Variants in ACSF3 observed in about 807,000 individuals in gnomAD.
ACSF3 encodes the protein malonate--CoA ligase ACSF3, mitochondrial.
Under a neutral mutation model 53.2 loss-of-function variants are expected in ACSF3, and 78 were observed. That is an observed-to-expected ratio of 1.47 (90% confidence interval 1.22 to 1.77). The LOEUF is 1.77. Ranked by LOEUF, ACSF3 falls within the 40% of genes most tolerant of loss-of-function variation. The pLI, the probability that ACSF3 is intolerant of heterozygous loss-of-function variation, is 0.00. For synonymous variants in ACSF3, 414 were observed against 333.1 expected, an observed-to-expected ratio of 1.24 and a Z score of -2.65; for missense variants, 937 against 771.1, an observed-to-expected ratio of 1.22 and a Z score of -2.55.
chr16:89,112,410 GTC>G (rs141059120), intron 5 of ACSF3, among the ~76,000 whole-genome samples, 164 bp downstream of exon 5: 38 of 149,526 alleles, frequency 2.5e-4, no homozygotes, highest in East Asian at 5.8e-4. Context: ...CTCTCTAACT[GTC>G]TCTCTCTCTC....
intron 4 of ACSF3, among the ~76,000 whole-genome samples, chr16:89,108,995 G>A (rs1461134777): frequency 6.6e-6 from 1 of 152,128 alleles, no homozygotes; most frequent in African/African-American, 2.4e-5. Flanking sequence ...CACTTTGGGA[G>A]GCCGAGGCAG....
intron 1 of ACSF3, among the ~76,000 whole-genome samples, chr16:89,096,879 C>T (rs879863627): frequency 6.6e-6 from 1 of 152,244 alleles, no homozygotes; most frequent in Non-Finnish European, 1.5e-5. Context: ...CACACGGGGC[C>T]AGTCACATCT....
intron 4 of ACSF3, 122 bp downstream of exon 4, chr16:89,102,881 C>T (rs888742688): frequency 9.3e-6 from 13 of 1,391,418 alleles, no homozygotes; most frequent in East Asian, 7.3e-5. Flanking sequence ...TCAGGGCTCT[C>T]GGCCGCGCCC....
chr16:89,155,916 A>C lies in ACSF3; in HGVS notation c.*1709A>C. 2.7e-6 allele frequency: 1 copy of C among 375,686 alleles called. No individual in the cohort carries two copies. The highest frequency in any genetic ancestry group is 2.1e-5 in the African/African-American group (1 of 47,456). The allele number at this position is 375,686 out of a possible 1,614,324, so 23.3% of individuals were successfully genotyped here. A position where few individuals can be genotyped will look rare whatever the true frequency, so the allele number is the denominator to read the frequency against. On this transcript the variant is annotated 3_prime_UTR_variant, in exon 11 of 11. Coordinates refer to ENST00000614302, the MANE Select transcript of ACSF3 (RefSeq NM_001243279.3). ...TGCTGACAATACTACAAACTACAGA[A>C]AGCCTGGAGCTCATTGACCAGAAAC...
intron 10 of ACSF3, chr16:89,152,396 T>A (rs1330420464): frequency 6.6e-6 from 1 of 152,302 alleles, no homozygotes; most frequent in African/African-American, 2.4e-5. Flanking sequence ...TCACCTGACG[T>A]CAGGAGTTGG....
intron 4 of ACSF3, among the ~76,000 whole-genome samples, chr16:89,104,228 A>G (rs144082337): frequency 2.6e-4 from 39 of 152,360 alleles, no homozygotes; most frequent in South Asian, 8.3e-4. Context: ...TTTTATTCAC[A>G]GGAAAAAAAG....
chr16:89,146,349 C>T lies in ACSF3; in HGVS notation c.1613+300C>T, dbSNP rs73256071. 8.8e-3 allele frequency among the ~76,000 whole-genome samples: 1,342 copies of T among 152,230 alleles called. 23 individuals carry two copies. The highest frequency in any genetic ancestry group is 0.03 in the African/African-American group (1,251 of 41,538). ...GTTCCGTCCTGGTCCCAGGAGAGAT[C>T]CCGGATGAGCCAGGCCAGGCCCATG... On this transcript the variant is annotated intron_variant, in intron 10 of 10. Coordinates refer to ENST00000614302, the MANE Select transcript of ACSF3 (RefSeq NM_001243279.3).
intron 7 of ACSF3, among the ~76,000 whole-genome samples, chr16:89,124,770 C>T (rs118158274): frequency 9.0e-4 from 116 of 129,206 alleles, no homozygotes; most frequent in Non-Finnish European, 1.6e-3. Context: ...GTGTATGTGA[C>T]ACCTGTGCGC....
intron 7 of ACSF3, among the ~76,000 whole-genome samples, chr16:89,126,752 C>T (rs1212235466): frequency 6.6e-6 from 1 of 152,200 alleles, no homozygotes; most frequent in African/African-American, 2.4e-5. Context: ...TCTGCAAATA[C>T]AAACAGTTTT....
At chr16:89,141,666 C>T (rs1479077290) in intron 8 of ACSF3, among the ~76,000 whole-genome samples, 1 of 152,214 alleles carries the variant, frequency 6.6e-6, no homozygotes, top group African/African-American at 2.4e-5. Context: ...GGAAGTCTCT[C>T]CCTACCCCTG....
chr16:89,105,071 C>A (rs1975806258), intron 4 of ACSF3, among the ~76,000 whole-genome samples: 1 of 151,502 alleles, frequency 6.6e-6, no homozygotes, highest in Non-Finnish European at 1.5e-5. Context: ...TCCTGAAGAG[C>A]CTCCCTGAGG....
chr16:89,095,792 C>A (rs1974545000), intron 1 of ACSF3, among the ~76,000 whole-genome samples: 1 of 152,248 alleles, frequency 6.6e-6, no homozygotes, highest in Non-Finnish European at 1.5e-5. Flanking sequence ...GCCATTCGTA[C>A]ATTCTCACGT....
In ACSF3 at chr16:89,101,357, G is replaced by C. The variant is rs752914229; in HGVS notation, c.666+10G>C. 1 of 1,569,652 alleles carries C rather than the reference G, an allele frequency of 6.4e-7. No homozygotes were observed. The highest frequency in any genetic ancestry group is 8.6e-7 in the Non-Finnish European group (1 of 1,158,152). ...AAACATCAGGGCTGTGGTGAGTGCCGCCTGGCGCCGTGATGGTTTCGGTGA... is the reference window on the plus strand; with the variant it reads ...AAACATCAGGGCTGTGGTGAGTGCCCCCTGGCGCCGTGATGGTTTCGGTGA... On this transcript the variant is annotated intron_variant, in intron 3 of 10. Coordinates refer to ENST00000614302, the MANE Select transcript of ACSF3 (RefSeq NM_001243279.3).
chr16:89,128,237 T>A (rs1227799633), intron 7 of ACSF3, among the ~76,000 whole-genome samples: 2 of 150,272 alleles, frequency 1.3e-5, no homozygotes, highest in Non-Finnish European at 3.0e-5. Context: ...AATTTATATA[T>A]AATATATATA....
At chr16:89,108,295 C>T (rs560960569) in intron 4 of ACSF3, among the ~76,000 whole-genome samples, 4 of 152,324 alleles carry the variant, frequency 2.6e-5, no homozygotes, top group South Asian at 4.1e-4. Context: ...TCATTTGTCC[C>T]TACAGAGGTT....
At chr16:89,102,259 A>C (rs572885221) in intron 3 of ACSF3, 63 of 387,170 alleles carry the variant, frequency 1.6e-4, no homozygotes, top group South Asian at 1.4e-3. Context: ...AGTCGATTCC[A>C]GCCTGAATGG....
chr16:89,129,789 G>A lies in ACSF3; in HGVS notation c.1240-3347G>A, dbSNP rs13380553. 1.3e-3 allele frequency among the ~76,000 whole-genome samples: 202 copies of A among 152,106 alleles called. 4 individuals are homozygous for A. The highest frequency in any genetic ancestry group is 4.4e-3 in the African/African-American group (182 of 41,482). On this transcript the variant is annotated intron_variant, in intron 7 of 10. Coordinates refer to ENST00000614302, the MANE Select transcript of ACSF3 (RefSeq NM_001243279.3). ...ATGTCTTTGCATAGTTTTTTTAGTA[G>A]TAGTTCCAGAAACTACAATATACAT... is the stretch of plus-strand genomic sequence containing the variant.
At chr16:89,110,525 C>G (rs142647039) in intron 4 of ACSF3, among the ~76,000 whole-genome samples, 186 of 152,370 alleles carry the variant, frequency 1.2e-3, no homozygotes, top group African/African-American at 4.0e-3. Flanking sequence ...CTTGTCTAAT[C>G]TTACACAGCA....
chr16:89,124,020 C>T (rs891926375), intron 7 of ACSF3, among the ~76,000 whole-genome samples: 2 of 73,848 alleles, frequency 2.7e-5, no homozygotes, highest in Admixed American at 1.6e-4. Flanking sequence ...ATCACACGCA[C>T]GCAGTGTGCA....
Sources: gnomAD v4.1 joint callset for allele counts (sites outside exome capture counted in the v4.1 genomes callset) on GRCh38, gnomAD v4.1.1 for gene constraint, MANE v1.5 for transcripts, NCBI Gene and HGNC (gene_info 2026-07-23, HGNC 2026-07-21) for gene names.